The following GALNT13 variants were observed in gnomAD, a reference collection of about 807,000 sequenced individuals.
GALNT13 encodes the protein polypeptide N-acetylgalactosaminyltransferase 13.
GALNT13 carries 28 observed loss-of-function variants against 64.2 expected under a neutral mutation model. The ratio of observed to expected loss-of-function variants is 0.44; its 90% CI spans 0.32 to 0.60. The LOEUF (loss-of-function observed/expected upper bound fraction) is 0.60, where lower values mean the gene tolerates loss of function less well. GALNT13 is among the 20% of genes least tolerant of loss of function. GALNT13 has a pLI of 0.05. For synonymous variants in GALNT13, 214 were observed against 224.6 expected, an observed-to-expected ratio of 0.95 and a Z score of 0.42; for missense variants, 577 against 669.8, an observed-to-expected ratio of 0.86 and a Z score of 1.53.
chr2:153,891,353 C>T (rs1311798723), intron 1 of GALNT13, among the ~76,000 whole-genome samples: 1 of 151,946 alleles, frequency 6.6e-6, no homozygotes, highest in Non-Finnish European at 1.5e-5. Context: ...AGAATGTCTT[C>T]CATGTGACTT....
the GALNT13 span, among the ~76,000 whole-genome samples, chr2:153,238,067 G>A: frequency 2.0e-5 from 3 of 151,908 alleles, no homozygotes; most frequent in Non-Finnish European, 4.4e-5. Context: ...GTTTTGATTT[G>A]CATTCCTCTG....
At chr2:153,440,102 G>GC in the GALNT13 span, among the ~76,000 whole-genome samples, 4 of 147,578 alleles carry the variant, frequency 2.7e-5, no homozygotes, top group Non-Finnish European at 6.0e-5. Context: ...CCCTCCCCTA[G>GC]CCCCCCACCC....
chr2:153,228,517 A>G, the GALNT13 span, among the ~76,000 whole-genome samples: 1 of 152,092 alleles, frequency 6.6e-6, no homozygotes, highest in African/African-American at 2.4e-5. Flanking sequence ...AGTTCTTTGT[A>G]TTGAGGCAGA....
chr2:154,383,294 T>G (rs184493554), intron 9 of GALNT13, among the ~76,000 whole-genome samples: 6 of 152,098 alleles, frequency 3.9e-5, no homozygotes, highest in Admixed American at 6.6e-5. Flanking sequence ...GTGTTTTATA[T>G]GTTAACTCAT....
chr2:154,300,977 A>G (rs1042921715), intron 8 of GALNT13, among the ~76,000 whole-genome samples: 2 of 152,222 alleles, frequency 1.3e-5, no homozygotes, highest in African/African-American at 2.4e-5. Flanking sequence ...GATGCAAGGT[A>G]TATGACCAGC....
intron 3 of GALNT13, among the ~76,000 whole-genome samples, chr2:153,974,532 A>G (rs1693952933): frequency 1.3e-5 from 2 of 152,058 alleles, no homozygotes; most frequent in Admixed American, 1.3e-4. Flanking sequence ...TAAAGAAAGT[A>G]GGCAAAATTA....
chr2:153,573,470 T>A, the GALNT13 span, among the ~76,000 whole-genome samples: 9 of 152,186 alleles, frequency 5.9e-5, no homozygotes, highest in African/African-American at 1.7e-4. Flanking sequence ...AGTAAGGACT[T>A]CTTTCTGCTG....
At chr2:154,163,504 C>G (rs1684857005) in intron 4 of GALNT13, among the ~76,000 whole-genome samples, 1 of 152,260 alleles carries the variant, frequency 6.6e-6, no homozygotes, top group East Asian at 1.9e-4. Flanking sequence ...AACCCACATT[C>G]TTTAGTACGG....
intron 3 of GALNT13, among the ~76,000 whole-genome samples, chr2:154,110,336 T>TAGAGAGAGAGAGAGAG (rs1190684961): frequency 5.0e-4 from 5 of 9,922 alleles, no homozygotes; most frequent in African/African-American, 6.9e-4. Flanking sequence ...TATATATATA[T>TAGAGAGAGAGAGAGAG]AGAGAGAGAG....
At chr2:153,759,448 C>T in the GALNT13 span, among the ~76,000 whole-genome samples, 1 of 152,078 alleles carries the variant, frequency 6.6e-6, no homozygotes, top group African/African-American at 2.4e-5. Context: ...GCTTGTCATG[C>T]ATGGCTTTCA....
the GALNT13 span, among the ~76,000 whole-genome samples, chr2:153,170,575 C>T: frequency 1.3e-5 from 2 of 152,164 alleles, no homozygotes; most frequent in African/African-American, 4.8e-5. Flanking sequence ...AAGTGTCACA[C>T]AGAAGAAAAA....
At chr2:153,127,500 A>T in the GALNT13 span, among the ~76,000 whole-genome samples, 6 of 152,108 alleles carry the variant, frequency 3.9e-5, no homozygotes, top group Admixed American at 3.3e-4. Flanking sequence ...ACATGCAAAC[A>T]TTCATGGACA....
At chr2:154,235,314 A>T (rs1689136591) in intron 4 of GALNT13, among the ~76,000 whole-genome samples, 2 of 152,158 alleles carry the variant, frequency 1.3e-5, no homozygotes, top group African/African-American at 4.8e-5. Context: ...ATGACATAGA[A>T]ACTTACTTTT....
the GALNT13 span, among the ~76,000 whole-genome samples, chr2:153,300,242 C>G: frequency 6.6e-6 from 1 of 152,206 alleles, no homozygotes; most frequent in South Asian, 2.1e-4. Flanking sequence ...AGGTTCCCCA[C>G]TTTCTTCTCT....
the GALNT13 span, among the ~76,000 whole-genome samples, chr2:153,591,653 A>C: frequency 6.6e-6 from 1 of 151,892 alleles, no homozygotes; most frequent in African/African-American, 2.4e-5. Context: ...AGCTATATCT[A>C]TATCTCTCAC....
the GALNT13 span, among the ~76,000 whole-genome samples, chr2:153,525,398 C>T: frequency 1.6e-4 from 25 of 152,226 alleles, no homozygotes; most frequent in South Asian, 5.0e-3. Flanking sequence ...TGTTTTGCAC[C>T]GTAAGCACCA....
the GALNT13 span, among the ~76,000 whole-genome samples, chr2:153,575,859 G>C: frequency 3.3e-5 from 5 of 152,084 alleles, no homozygotes; most frequent in South Asian, 1.0e-3. Flanking sequence ...GTCCATGCAG[G>C]TACTTGAAGG....
the GALNT13 span, among the ~76,000 whole-genome samples, chr2:153,788,042 C>T: frequency 8.5e-5 from 13 of 152,258 alleles, no homozygotes; most frequent in South Asian, 1.5e-3. Context: ...GAGAACTTCC[C>T]GAACCTAGCT....
chr2:153,257,801 G>A, the GALNT13 span, among the ~76,000 whole-genome samples: 2 of 152,120 alleles, frequency 1.3e-5, no homozygotes, highest in East Asian at 3.9e-4. Flanking sequence ...GCTATAAAAT[G>A]TTTTCTTTTG....
Sources: allele counts gnomAD v4.1 joint callset (sites outside exome capture counted in the v4.1 genomes callset), GRCh38; gene constraint gnomAD v4.1.1; transcripts MANE v1.5; gene names NCBI Gene and HGNC (gene_info 2026-07-23, HGNC 2026-07-21).